Variants in CFTR observed in about 807,000 individuals in gnomAD.
The protein encoded by CFTR is CF transmembrane conductance regulator, also known as cystic fibrosis transmembrane conductance regulator.
Under a neutral mutation model 171.6 loss-of-function variants are expected in CFTR, and 181 were observed. The observed-to-expected ratio is 1.05, with a 90% CI of 0.93 to 1.19. The LOEUF (loss-of-function observed/expected upper bound fraction) is 1.19, where lower values mean the gene tolerates loss of function less well. Among genes scored for constraint, CFTR ranks in the 50% most tolerant of loss-of-function variants. CFTR has a pLI of 0.00. For missense variants in CFTR, 1,968 were observed against 1,734.7 expected, an observed-to-expected ratio of 1.13 and a Z score of -2.39; for synonymous variants, 583 against 608.0, an observed-to-expected ratio of 0.96 and a Z score of 0.60.
In CFTR at chr7:117,612,006, G is replaced by GATAT. The variant is rs375943671; in HGVS notation, c.3367+211_3367+214dup. 2.8e-3 allele frequency among the ~76,000 whole-genome samples: 218 copies of GATAT among 76,688 alleles called. 1 individual carries two copies. The highest frequency in any genetic ancestry group is 0.012 in the Middle Eastern group (2 of 164). The allele number at this position is 76,688 out of a possible 152,430, so 50.3% of individuals were successfully genotyped here. ...TAAACAAATAATTTCCTTGAAATCG[G>GATAT]ATATATATATATATATGTATATATA... On this transcript the variant is annotated intron_variant, in intron 20 of 26. Transcript: ENST00000003084.
chr7:117,654,980 C>T (rs1029503911), intron 24 of CFTR, among the ~76,000 whole-genome samples: 1 of 152,150 alleles, frequency 6.6e-6, no homozygotes, highest in Admixed American at 6.6e-5. Flanking sequence ...TTGTCTTGGA[C>T]TATAAATTCT....
Position 117,540,319 on chromosome 7 carries a change from C to A in CFTR, c.1089C>A (p.Asp363Glu). 1 of 1,613,840 alleles carries A rather than the reference C, an allele frequency of 6.2e-7. No homozygotes were observed. The highest frequency in any genetic ancestry group is 1.1e-5 in the South Asian group (1 of 91,072). ...CCTGGGCTGTACAAACATGGTATGA[C>A]TCTCTTGGAGCAATAAACAAAATAC... ...QFPWAVQTWY[D>E]SLGAINKIQD... is the part of the protein sequence containing the mutation. The change falls in exon 8 of 27, where the codon GAC becomes GAA. Residue 363 changes from aspartate (D) to glutamate (E), a missense_variant. Physicochemically the swap from Asp to Glu is conservative, Grantham distance 45 (BLOSUM62 2). Transcript: ENST00000003084.
chr7:117,656,644 A>T (rs1343784773), intron 24 of CFTR, among the ~76,000 whole-genome samples: 4 of 152,212 alleles, frequency 2.6e-5, no homozygotes, highest in African/African-American at 7.2e-5. Context: ...TTATAATTTT[A>T]AAAAATAAGC....
At chr7:117,621,157 C>G (rs939031905) in intron 21 of CFTR, among the ~76,000 whole-genome samples, 5 of 152,042 alleles carry the variant, frequency 3.3e-5, no homozygotes, top group Admixed American at 1.3e-4. Flanking sequence ...CCACTAAGAC[C>G]AGTGAAGTCA....
At chr7:117,543,497 T>G (rs554600633) in intron 9 of CFTR, among the ~76,000 whole-genome samples, 6 of 152,220 alleles carry the variant, frequency 3.9e-5, no homozygotes, top group Non-Finnish European at 5.9e-5. Context: ...GCCCTTACTA[T>G]GTGCCAGGCA....
chr7:117,524,563 T>G (rs562602023), intron 3 of CFTR, among the ~76,000 whole-genome samples: 1 of 152,194 alleles, frequency 6.6e-6, no homozygotes, highest in Non-Finnish European at 1.5e-5. Context: ...AATGCAGATA[T>G]ATTTATAATT....
chr7:117,660,205 C>A (rs17140297), intron 24 of CFTR, among the ~76,000 whole-genome samples: 2 of 151,910 alleles, frequency 1.3e-5, no homozygotes, highest in South Asian at 4.2e-4. Flanking sequence ...TTTAATGCTA[C>A]GTTGTAATGA....
intron 24 of CFTR, among the ~76,000 whole-genome samples, chr7:117,656,905 G>T (rs997036209): frequency 6.6e-6 from 1 of 152,144 alleles, no homozygotes; most frequent in South Asian, 2.1e-4. Flanking sequence ...GCCTGTGAGT[G>T]TTAAACACTT....
At chr7:117,595,095 A>T in intron 15 of CFTR, 37 bp downstream of exon 15, 2 of 1,561,070 alleles carry the variant, frequency 1.3e-6, no homozygotes, top group Non-Finnish European at 1.8e-6. Context: ...ACTGGATTTA[A>T]AGTTAAATTA....
intron 22 of CFTR, among the ~76,000 whole-genome samples, chr7:117,634,431 A>G (rs1277689647): frequency 6.6e-6 from 1 of 152,010 alleles, no homozygotes; most frequent in East Asian, 1.9e-4. Flanking sequence ...TTGATGAACC[A>G]ACTTTTTGTT....
At chr7:117,664,641 G>T in intron 24 of CFTR, 47 bp from the exon 25 acceptor site, 9 of 1,545,578 alleles carry the variant, frequency 5.8e-6, no homozygotes, top group South Asian at 1.1e-5. Context: ...TCAACTGCTT[G>T]AGTGTTTTTA....
intron 1 of CFTR, among the ~76,000 whole-genome samples, chr7:117,493,952 A>G (rs980690593): frequency 3.3e-5 from 5 of 152,158 alleles, no homozygotes; most frequent in Non-Finnish European, 5.9e-5. Flanking sequence ...CAGAGAACAT[A>G]AACAAATGAA....
intron 21 of CFTR, among the ~76,000 whole-genome samples, chr7:117,617,813 A>G (rs1792517210): frequency 6.6e-6 from 1 of 152,102 alleles, no homozygotes; most frequent in African/African-American, 2.4e-5. Flanking sequence ...TGACCTACAT[A>G]TAGCAAAATA....
At chr7:117,633,529 T>G (rs926730360) in intron 22 of CFTR, among the ~76,000 whole-genome samples, 3 of 152,092 alleles carry the variant, frequency 2.0e-5, no homozygotes, top group African/African-American at 7.2e-5. Context: ...ACTTCCAGTA[T>G]GATGTTGAAA....
intron 10 of CFTR, 98 bp downstream of exon 10, chr7:117,548,921 C>T: frequency 1.3e-6 from 2 of 1,500,772 alleles, no homozygotes; most frequent in Non-Finnish European, 1.8e-6. Flanking sequence ...TGGAGAAATT[C>T]TTACATGAGC....
intron 10 of CFTR, among the ~76,000 whole-genome samples, chr7:117,552,743 C>T (rs1799293535): frequency 6.6e-6 from 1 of 152,098 alleles, no homozygotes; most frequent in South Asian, 2.1e-4. Context: ...TTATTCCCCA[C>T]CTCTCTTTTT....
chr7:117,603,024 G>T (rs926040809), intron 16 of CFTR, among the ~76,000 whole-genome samples, 161 bp downstream of exon 16: 1 of 152,198 alleles, frequency 6.6e-6, no homozygotes, highest in Non-Finnish European at 1.5e-5. Context: ...ATGACCATTA[G>T]TTGGGTGAGG....
chr7:117,535,711 T>G (rs538621943), intron 6 of CFTR, among the ~76,000 whole-genome samples: 2 of 151,976 alleles, frequency 1.3e-5, no homozygotes, highest in South Asian at 4.2e-4. Flanking sequence ...ATTTTTGTAT[T>G]TTAGTAGAGA....
chr7:117,551,077 C>G (rs1392096599), intron 10 of CFTR, among the ~76,000 whole-genome samples: 2 of 152,184 alleles, frequency 1.3e-5, no homozygotes, highest in African/African-American at 4.8e-5. Flanking sequence ...TCTTCTACTT[C>G]TATAACTTAC....
Sources: allele counts gnomAD v4.1 joint callset (sites outside exome capture counted in the v4.1 genomes callset), GRCh38; gene constraint gnomAD v4.1.1; transcripts MANE v1.5; gene names NCBI Gene and HGNC (gene_info 2026-07-23, HGNC 2026-07-21).